The following KCNAB1 variants were observed in gnomAD, a reference collection of about 807,000 sequenced individuals.
The protein encoded by KCNAB1 is potassium voltage-gated channel subfamily A regulatory beta subunit 1.
Under a neutral mutation model 64.6 loss-of-function variants are expected in KCNAB1, and 35 were observed. The ratio of observed to expected loss-of-function variants is 0.54; its 90% CI spans 0.41 to 0.72. The LOEUF is 0.72. Among genes scored for constraint, KCNAB1 ranks in the 30% least tolerant of loss-of-function variants. The pLI is 0.00. For synonymous variants in KCNAB1, 177 were observed against 183.8 expected (o/e 0.96, Z 0.30); for missense variants, 401 against 512.9 (o/e 0.78, Z 2.11).
chr3:156,467,312 G>A (rs1713488477), intron 7 of KCNAB1, among the ~76,000 whole-genome samples: 1 of 151,948 alleles, frequency 6.6e-6, no homozygotes, highest in Admixed American at 6.6e-5. Context: ...TGTAAGTTGT[G>A]AACTATCTGT....
At position 156,375,918 on chromosome 3, in the gene KCNAB1, T is replaced by A. The variant is rs117801816; in HGVS notation, c.276-45698T>A. Reference sequence around the variant, plus strand: ...CATTGCAACCATCCCCTCCTGGGTTTAAGCAATTCTCCTGCCTCAGCCTCC... The same window carrying A: ...CATTGCAACCATCCCCTCCTGGGTTAAAGCAATTCTCCTGCCTCAGCCTCC... On this transcript the variant is annotated intron_variant, in intron 1 of 13. Coordinates refer to ENST00000490337, the MANE Select transcript of KCNAB1 (RefSeq NM_172160.3). Among the ~76,000 whole-genome samples the A allele has an allele frequency of 9.5e-3, 1,447 of 151,982 alleles. 130 individuals are homozygous for A. Among genetic ancestry groups the A allele is most frequent in the East Asian group, 0.08 (415 of 5,160 alleles).
chr3:156,488,010 G>A (rs1041673317), intron 8 of KCNAB1, among the ~76,000 whole-genome samples: 15 of 152,044 alleles, frequency 9.9e-5, no homozygotes, highest in African/African-American at 3.4e-4. Context: ...AAAACCCTAC[G>A]TAATGCATTT....
At chr3:156,533,093 C>G (rs571124280) in intron 13 of KCNAB1, among the ~76,000 whole-genome samples, 43 of 152,338 alleles carry the variant, frequency 2.8e-4, no homozygotes, top group African/African-American at 9.4e-4. Flanking sequence ...AAGAAAAACA[C>G]TGTCTAACCT....
intron 1 of KCNAB1, among the ~76,000 whole-genome samples, chr3:156,274,508 C>CTT (rs66880579): frequency 2.0e-5 from 3 of 149,962 alleles, no homozygotes; most frequent in Admixed American, 6.7e-5. Context: ...AAGGTAAGAA[C>CTT]TTTTTTTTTT....
At chr3:156,139,927 T>G (rs1026305008) in intron 1 of KCNAB1, among the ~76,000 whole-genome samples, 1 of 152,182 alleles carries the variant, frequency 6.6e-6, no homozygotes, top group African/African-American at 2.4e-5. Context: ...AACAGCATAT[T>G]ATGTCTTTGT....
chr3:156,323,195 C>T (rs115418986), intron 1 of KCNAB1, among the ~76,000 whole-genome samples: 1,834 of 152,122 alleles, frequency 0.012, 40 homozygotes, highest in African/African-American at 0.043. Flanking sequence ...TCTTTTGTTA[C>T]TCATATTGGT....
chr3:156,213,639 G>A (rs1439398821), intron 1 of KCNAB1, among the ~76,000 whole-genome samples: 1 of 152,184 alleles, frequency 6.6e-6, no homozygotes, highest in Admixed American at 6.5e-5. Flanking sequence ...CATGCAGGGT[G>A]GGGATTGTTG....
intron 7 of KCNAB1, among the ~76,000 whole-genome samples, chr3:156,474,459 A>T (rs1020314514): frequency 2.0e-5 from 3 of 152,216 alleles, no homozygotes; most frequent in African/African-American, 7.2e-5. Context: ...ATTGCCACAT[A>T]CAAGTCACTG....
chr3:156,238,582 A>G (rs1014585788), intron 1 of KCNAB1, among the ~76,000 whole-genome samples: 2 of 152,240 alleles, frequency 1.3e-5, no homozygotes, highest in Admixed American at 6.5e-5. Context: ...TGATTCTACA[A>G]TTAGCTCAGA....
intron 1 of KCNAB1, chr3:156,291,579 C>G (rs1560177836): frequency 1.6e-6 from 2 of 1,220,938 alleles, no homozygotes; most frequent in Non-Finnish European, 2.1e-6. Flanking sequence ...AAAACCTCCC[C>G]CACTGCATGG....
At chr3:156,183,660 C>A (rs1167276944) in intron 1 of KCNAB1, among the ~76,000 whole-genome samples, 1 of 152,166 alleles carries the variant, frequency 6.6e-6, no homozygotes, top group African/African-American at 2.4e-5. Flanking sequence ...TCATCTCTCC[C>A]CAGTTGCAGG....
chr3:156,176,784 C>T, intron 1 of KCNAB1: 6 of 865,182 alleles, frequency 6.9e-6, no homozygotes, highest in South Asian at 5.6e-5. Context: ...CAGCAAAGCT[C>T]CTGGCGTCGC....
intron 8 of KCNAB1, among the ~76,000 whole-genome samples, chr3:156,477,753 G>A (rs931047176): frequency 2.6e-5 from 4 of 152,050 alleles, no homozygotes; most frequent in African/African-American, 7.3e-5. Flanking sequence ...TTACTGTACC[G>A]GGGGAAGGTA....
chr3:156,506,412 C>A (rs1221357596), intron 8 of KCNAB1, among the ~76,000 whole-genome samples: 1 of 152,172 alleles, frequency 6.6e-6, no homozygotes, highest in African/African-American at 2.4e-5. Context: ...ATTTCAATAA[C>A]CTATTTCACA....
chr3:156,222,627 C>A (rs1327051317), intron 1 of KCNAB1, among the ~76,000 whole-genome samples: 2 of 152,176 alleles, frequency 1.3e-5, no homozygotes, highest in Non-Finnish European at 2.9e-5. Context: ...GTAGAATATA[C>A]ATTCTATTCA....
At chr3:156,323,090 C>G (rs1445742733) in intron 1 of KCNAB1, among the ~76,000 whole-genome samples, 1 of 152,186 alleles carries the variant, frequency 6.6e-6, no homozygotes, top group Non-Finnish European at 1.5e-5. Context: ...TCAGCAGGCC[C>G]TTTGCCTTAG....
At chr3:156,239,614 A>G (rs1717050594) in intron 1 of KCNAB1, among the ~76,000 whole-genome samples, 1 of 152,208 alleles carries the variant, frequency 6.6e-6, no homozygotes, top group Non-Finnish European at 1.5e-5. Flanking sequence ...TCCAACCAGT[A>G]GCACCTGCAG....
At chr3:156,326,115 C>G (rs1372239863) in intron 1 of KCNAB1, among the ~76,000 whole-genome samples, 1 of 152,164 alleles carries the variant, frequency 6.6e-6, no homozygotes, top group African/African-American at 2.4e-5. Flanking sequence ...CCCAGCTACT[C>G]TGGGGGTCTG....
At chr3:156,325,405 C>T (rs564597003) in intron 1 of KCNAB1, among the ~76,000 whole-genome samples, 14 of 152,128 alleles carry the variant, frequency 9.2e-5, no homozygotes, top group Non-Finnish European at 1.6e-4. Flanking sequence ...ACGTCTCTTA[C>T]TTTTAAATCT....
Sources: allele counts gnomAD v4.1 joint callset (sites outside exome capture counted in the v4.1 genomes callset), GRCh38; gene constraint gnomAD v4.1.1; transcripts MANE v1.5; gene names NCBI Gene and HGNC (gene_info 2026-07-23, HGNC 2026-07-21).